The following SLC24A4 variants were observed in gnomAD, a reference collection of about 807,000 sequenced individuals.
SLC24A4 encodes solute carrier family 24 member 4, also known as sodium/potassium/calcium exchanger 4.
In SLC24A4, 53 loss-of-function variants were observed where a neutral mutation model predicts 79.0. That is an observed-to-expected ratio of 0.67 (90% CI 0.54 to 0.84). The LOEUF (loss-of-function observed/expected upper bound fraction) is 0.84. Among genes scored for constraint, SLC24A4 ranks in the 40% least tolerant of loss-of-function variants. SLC24A4 has a pLI of 0.00. For missense variants in SLC24A4, 731 were observed against 822.0 expected (o/e 0.89, Z 1.35); for synonymous variants, 323 against 323.8 (o/e 1.00, Z 0.03).
intron 2 of SLC24A4, among the ~76,000 whole-genome samples, chr14:92,345,421 C>G (rs895026939): frequency 6.6e-6 from 1 of 152,200 alleles, no homozygotes; most frequent in African/African-American, 2.4e-5. Flanking sequence ...CACTTACAGG[C>G]CAGGTGTAGT....
chr14:92,326,157 G>A (rs937437509), intron 2 of SLC24A4, among the ~76,000 whole-genome samples, 179 bp downstream of exon 2: 2 of 152,344 alleles, frequency 1.3e-5, no homozygotes. Context: ...GTGCTGCTAA[G>A]CAACTCAAGT....
chr14:92,366,970 C>T (rs1003739014), intron 2 of SLC24A4, among the ~76,000 whole-genome samples: 13 of 152,306 alleles, frequency 8.5e-5, no homozygotes, highest in African/African-American at 3.1e-4. Flanking sequence ...CAGTGCCTTC[C>T]TGGCCCTCCT....
At chr14:92,417,902 A>G (rs571067106) in intron 2 of SLC24A4, among the ~76,000 whole-genome samples, 2 of 152,320 alleles carry the variant, frequency 1.3e-5, no homozygotes, top group South Asian at 4.1e-4. Flanking sequence ...ATGCTCGTGC[A>G]GCAGTGAAAC....
chr14:92,449,302 ACAC>A (rs1893001339), intron 10 of SLC24A4, 86 bp downstream of exon 10: 1 of 1,298,034 alleles, frequency 7.7e-7, no homozygotes, highest in East Asian at 2.4e-5. Context: ...ACACACACAC[ACAC>A]ACACACACAC....
intron 2 of SLC24A4, among the ~76,000 whole-genome samples, chr14:92,371,454 T>A (rs1888145746): frequency 6.6e-6 from 1 of 152,146 alleles, no homozygotes; most frequent in South Asian, 2.1e-4. Context: ...TAACTCAGGC[T>A]AAAACCCACC....
chr14:92,444,763 G>A (rs907626816), intron 7 of SLC24A4, among the ~76,000 whole-genome samples: 4 of 152,078 alleles, frequency 2.6e-5, no homozygotes, highest in Non-Finnish European at 5.9e-5. Flanking sequence ...CCTGAGGCAG[G>A]AGAATTGCTT....
intron 3 of SLC24A4, among the ~76,000 whole-genome samples, chr14:92,434,983 A>G (rs1239726554): frequency 6.6e-6 from 1 of 152,150 alleles, no homozygotes; most frequent in Non-Finnish European, 1.5e-5. Context: ...CATGTTGGCC[A>G]GGCTGGTCTC....
At chr14:92,412,369 G>A (rs1057331025) in intron 2 of SLC24A4, among the ~76,000 whole-genome samples, 1 of 152,192 alleles carries the variant, frequency 6.6e-6, no homozygotes, top group African/African-American at 2.4e-5. Context: ...AACAGGGGAA[G>A]GGCAGTTCCC....
chr14:92,480,932 T>C (rs1258680411), intron 12 of SLC24A4, among the ~76,000 whole-genome samples: 3 of 152,184 alleles, frequency 2.0e-5, no homozygotes, highest in African/African-American at 7.2e-5. Context: ...AAATTCATAT[T>C]CTTTGTTGTG....
chr14:92,454,528 T>A (rs539598190), intron 11 of SLC24A4, among the ~76,000 whole-genome samples: 18 of 152,340 alleles, frequency 1.2e-4, no homozygotes, highest in African/African-American at 3.8e-4. Flanking sequence ...CTTGCAGAGA[T>A]AATGATTTTA....
Position 92,447,446 on chromosome 14 carries a change from C to G in SLC24A4, c.737+22C>G, listed in dbSNP as rs60928101. On this transcript the variant is annotated intron_variant, in intron 9 of 16. Coordinates refer to ENST00000532405, the MANE Select transcript of SLC24A4 (RefSeq NM_153646.4). ...TGAAGTAAGTGCCCTTTCTCCTCCC[C>G]GGGGCTGCCGACGCCTTGCCCCACT... 6.3e-5 allele frequency: 102 copies of G among 1,611,768 alleles called. No individual in the cohort carries two copies. In the African/African-American group the frequency reaches 6.8e-4, roughly 11 times the overall value.
intron 2 of SLC24A4, among the ~76,000 whole-genome samples, chr14:92,343,615 T>TCTTTCTTC (rs1566699859): frequency 2.4e-4 from 35 of 147,452 alleles, no homozygotes; most frequent in Middle Eastern, 3.4e-3. Flanking sequence ...TTTCTTTCTT[T>TCTTTCTTC]CTTTCTTTCT....
intron 12 of SLC24A4, among the ~76,000 whole-genome samples, chr14:92,482,328 CTT>C (rs1895108637): frequency 6.6e-6 from 1 of 152,210 alleles, no homozygotes; most frequent in African/African-American, 2.4e-5. Context: ...TCTCAAGGTC[CTT>C]TGACTTCCAG....
chr14:92,404,902 T>A (rs990310161), intron 2 of SLC24A4, among the ~76,000 whole-genome samples: 1 of 152,040 alleles, frequency 6.6e-6, no homozygotes, highest in African/African-American at 2.4e-5. Flanking sequence ...ACATAATAGG[T>A]CCTCAGTAAA....
rs923547589 is a variant in SLC24A4 at position 92,340,099 on chromosome 14, T to G, written c.241+14121T>G. Reference sequence around the variant, plus strand: ...GAAAAGCACTTTTCCTTCCTTTCATTTAGACCCCTCTACAGGATACTAGTT... The same window carrying G: ...GAAAAGCACTTTTCCTTCCTTTCATGTAGACCCCTCTACAGGATACTAGTT... On this transcript the variant is annotated intron_variant, in intron 2 of 16. Coordinates refer to ENST00000532405, the MANE Select transcript of SLC24A4 (RefSeq NM_153646.4). Among the ~76,000 whole-genome samples, 4 of 152,210 alleles carry G rather than the reference T, an allele frequency of 2.6e-5. No individual in the cohort carries two copies. The South Asian group carries it at 8.3e-4, about 32-fold the overall frequency.
chr14:92,376,136 A>G (rs1055186997), intron 2 of SLC24A4, among the ~76,000 whole-genome samples: 2 of 152,208 alleles, frequency 1.3e-5, no homozygotes, highest in Non-Finnish European at 2.9e-5. Flanking sequence ...CAACGGCCAT[A>G]TGGTGCAGTG....
At chr14:92,415,055 G>A (rs1890907251) in intron 2 of SLC24A4, among the ~76,000 whole-genome samples, 1 of 150,054 alleles carries the variant, frequency 6.7e-6, no homozygotes, top group Admixed American at 6.6e-5. Context: ...TGGACTCATG[G>A]TTGAAAGGCG....
chr14:92,333,498 G>A (rs544380654), intron 2 of SLC24A4, among the ~76,000 whole-genome samples: 12 of 152,256 alleles, frequency 7.9e-5, no homozygotes, highest in Admixed American at 3.9e-4. Flanking sequence ...AGGACGGAGC[G>A]GGGCTTGATT....
At chr14:92,439,459 G>T in intron 4 of SLC24A4, 50 bp downstream of exon 4, 1 of 1,547,808 alleles carries the variant, frequency 6.5e-7, no homozygotes, top group South Asian at 1.1e-5. Flanking sequence ...AAGACATGTG[G>T]GACATAAATG....
Sources: allele counts gnomAD v4.1 joint callset (sites outside exome capture counted in the v4.1 genomes callset), GRCh38; gene constraint gnomAD v4.1.1; transcripts MANE v1.5; gene names NCBI Gene and HGNC (gene_info 2026-07-23, HGNC 2026-07-21).